ERBB4: variants seen among roughly 807,000 people sequenced by gnomAD.
The protein encoded by ERBB4 is receptor tyrosine-protein kinase erbB-4.
In ERBB4, 42 loss-of-function variants were observed where a neutral mutation model predicts 158.0. The ratio of observed to expected loss-of-function variants is 0.27; its 90% CI spans 0.21 to 0.34. The LOEUF (loss-of-function observed/expected upper bound fraction) is 0.34, where lower values mean the gene tolerates loss of function less well. ERBB4 is among the 10% of genes least tolerant of loss of function. The pLI, the probability that ERBB4 is intolerant of heterozygous loss-of-function variation, is 1.00. For missense variants in ERBB4, 1,333 were observed against 1,624.1 expected, an observed-to-expected ratio of 0.82 and a Z score of 3.08; for synonymous variants, 583 against 558.7, an observed-to-expected ratio of 1.04 and a Z score of -0.61.
chr2:211,687,452 G>A (rs1480996558), intron 12 of ERBB4, among the ~76,000 whole-genome samples: 2 of 152,122 alleles, frequency 1.3e-5, no homozygotes, highest in Non-Finnish European at 2.9e-5. Context: ...CCTGGTGAGA[G>A]TAGAAGTCTA....
intron 2 of ERBB4, among the ~76,000 whole-genome samples, chr2:211,980,686 C>A (rs35573921): frequency 0.029 from 4,381 of 152,192 alleles, 93 homozygotes; most frequent in Admixed American, 0.057. Flanking sequence ...TATTGTATAT[C>A]TTAAACATTC....
intron 1 of ERBB4, among the ~76,000 whole-genome samples, chr2:212,185,143 C>A (rs193299633): frequency 6.6e-6 from 1 of 151,800 alleles, no homozygotes; most frequent in Admixed American, 6.6e-5. Flanking sequence ...GCCTGTGCCT[C>A]CCGAGTATCT....
intron 20 of ERBB4, among the ~76,000 whole-genome samples, chr2:211,438,931 T>G (rs554533337): frequency 6.6e-6 from 1 of 152,220 alleles, no homozygotes; most frequent in Non-Finnish European, 1.5e-5. Flanking sequence ...TAATAAAAAT[T>G]ATTGTTTGCT....
At chr2:211,621,037 C>T (rs1258650615) in intron 18 of ERBB4, among the ~76,000 whole-genome samples, 1 of 152,056 alleles carries the variant, frequency 6.6e-6, no homozygotes, top group Non-Finnish European at 1.5e-5. Context: ...ATGGTTTGAG[C>T]CCAGGAGGTT....
At chr2:211,875,437 A>G (rs1476164575) in intron 3 of ERBB4, among the ~76,000 whole-genome samples, 2 of 152,168 alleles carry the variant, frequency 1.3e-5, no homozygotes, top group Non-Finnish European at 1.5e-5. Context: ...TTAGAATAAT[A>G]ATGAGCAAAT....
intron 8 of ERBB4, among the ~76,000 whole-genome samples, chr2:211,712,592 T>C (rs1028544662): frequency 1.3e-5 from 2 of 152,138 alleles, no homozygotes; most frequent in Non-Finnish European, 2.9e-5. Context: ...ATGGCCTACA[T>C]ACTAATGGTC....
At chr2:211,846,114 T>C (rs1241313659) in intron 3 of ERBB4, among the ~76,000 whole-genome samples, 1 of 151,178 alleles carries the variant, frequency 6.6e-6, no homozygotes, top group Non-Finnish European at 1.5e-5. Flanking sequence ...AAAAAAATCA[T>C]CCCTAGGGCA....
chr2:211,631,778 G>T (rs1021409697), intron 16 of ERBB4, among the ~76,000 whole-genome samples: 2 of 152,046 alleles, frequency 1.3e-5, no homozygotes, highest in South Asian at 4.1e-4. Flanking sequence ...TGACCAGGAA[G>T]CCACAATGGA....
intron 1 of ERBB4, among the ~76,000 whole-genome samples, chr2:212,407,554 C>T (rs2091381657): frequency 6.6e-6 from 1 of 152,026 alleles, no homozygotes; most frequent in African/African-American, 2.4e-5. Flanking sequence ...ACAGCTACTT[C>T]ATATGTATAT....
chr2:212,000,344 C>A (rs2076075625), intron 2 of ERBB4, among the ~76,000 whole-genome samples: 1 of 151,786 alleles, frequency 6.6e-6, no homozygotes, highest in Non-Finnish European at 1.5e-5. Flanking sequence ...TTTCCTATAT[C>A]AGATGGAGAT....
chr2:212,353,866 C>T, intron 1 of ERBB4, among the ~76,000 whole-genome samples: 1 of 152,128 alleles, frequency 6.6e-6, no homozygotes, highest in East Asian at 1.9e-4. Context: ...ACTGTTGTAA[C>T]TTCTGGACCA....
At chr2:211,870,040 A>G (rs1374427861) in intron 3 of ERBB4, among the ~76,000 whole-genome samples, 2 of 152,156 alleles carry the variant, frequency 1.3e-5, no homozygotes, top group East Asian at 1.9e-4. Context: ...CCCAGTATCC[A>G]TCATCTTCCT....
intron 1 of ERBB4, among the ~76,000 whole-genome samples, chr2:212,228,029 A>C (rs2083533791): frequency 6.6e-6 from 1 of 152,210 alleles, no homozygotes; most frequent in African/African-American, 2.4e-5. Flanking sequence ...ATTAATGAAA[A>C]GATTACACAA....
intron 5 of ERBB4, among the ~76,000 whole-genome samples, chr2:211,748,440 A>G (rs1194434876): frequency 6.6e-6 from 1 of 152,178 alleles, no homozygotes; most frequent in East Asian, 1.9e-4. Flanking sequence ...GGTGGGAGGA[A>G]GTAATTTTGT....
intron 2 of ERBB4, among the ~76,000 whole-genome samples, chr2:212,064,677 C>A (rs368074462): frequency 6.6e-6 from 1 of 151,896 alleles, no homozygotes; most frequent in African/African-American, 2.4e-5. Context: ...TGTTTACTTT[C>A]GCAAACTAGA....
chr2:212,237,848 C>T (rs760456617), intron 1 of ERBB4, among the ~76,000 whole-genome samples: 12 of 152,278 alleles, frequency 7.9e-5, no homozygotes, highest in South Asian at 2.1e-4. Context: ...GTGCCCAGTT[C>T]GAACTTCCAA....
At chr2:211,996,489 G>T (rs1419496674) in intron 2 of ERBB4, among the ~76,000 whole-genome samples, 2 of 151,932 alleles carry the variant, frequency 1.3e-5, no homozygotes, top group African/African-American at 2.4e-5. Context: ...CTATAAGGGA[G>T]ATATTACCAT....
At chr2:212,338,072 G>A (rs548051888) in intron 1 of ERBB4, among the ~76,000 whole-genome samples, 1 of 152,094 alleles carries the variant, frequency 6.6e-6, no homozygotes, top group African/African-American at 2.4e-5. Context: ...TCCCAATCCA[G>A]GAAAAAATGT....
At chr2:212,429,711 C>T (rs150020273) in intron 1 of ERBB4, among the ~76,000 whole-genome samples, 66 of 152,030 alleles carry the variant, frequency 4.3e-4, no homozygotes, top group Middle Eastern at 3.4e-3. Flanking sequence ...ATGATGAACA[C>T]ATGATGAAAC....
Sources: allele counts gnomAD v4.1 joint callset (sites outside exome capture counted in the v4.1 genomes callset), GRCh38; gene constraint gnomAD v4.1.1; transcripts MANE v1.5; gene names NCBI Gene and HGNC (gene_info 2026-07-23, HGNC 2026-07-21).